RERG: variants seen among roughly 807,000 people sequenced by gnomAD.
RERG encodes the protein RAS like estrogen regulated growth inhibitor.
RERG carries 25 observed loss-of-function variants against 23.2 expected under a neutral mutation model. That is an observed-to-expected ratio of 1.08 (90% CI 0.79 to 1.50). RERG has a LOEUF of 1.50. Ranked by LOEUF, RERG falls within the 40% of genes most tolerant of loss-of-function variation. RERG has a pLI of 0.00. For missense variants in RERG, 253 were observed against 250.1 expected, an observed-to-expected ratio of 1.01 and a Z score of -0.08; for synonymous variants, 81 against 89.1, an observed-to-expected ratio of 0.91 and a Z score of 0.51.
intron 2 of RERG, among the ~76,000 whole-genome samples, chr12:15,204,083 T>C (rs1443841103): frequency 2.0e-5 from 3 of 151,746 alleles, no homozygotes; most frequent in Non-Finnish European, 3.0e-5. Flanking sequence ...CTAAAGTTTA[T>C]ATGGAACAAT....
chr12:15,151,515 T>C (rs535237740), intron 2 of RERG, among the ~76,000 whole-genome samples: 2 of 152,358 alleles, frequency 1.3e-5, no homozygotes, highest in African/African-American at 2.4e-5. Flanking sequence ...CACAATCCAG[T>C]GGCATTTGTT....
intron 2 of RERG, among the ~76,000 whole-genome samples, chr12:15,165,199 T>C (rs754905268): frequency 2.0e-5 from 3 of 152,182 alleles, no homozygotes; most frequent in African/African-American, 7.2e-5. Flanking sequence ...CAGCATGTCT[T>C]TGAGCGGCGA....
chr12:15,170,491 G>A (rs1350541653), intron 2 of RERG, among the ~76,000 whole-genome samples: 1 of 152,162 alleles, frequency 6.6e-6, no homozygotes, highest in East Asian at 1.9e-4. Context: ...TTCTGGAGTT[G>A]TGATCTTCAG....
intron 2 of RERG, among the ~76,000 whole-genome samples, chr12:15,211,932 GGTT>G (rs1865371121): frequency 6.6e-6 from 1 of 151,994 alleles, no homozygotes; most frequent in African/African-American, 2.4e-5. Flanking sequence ...TGAGATACAG[GGTT>G]GTTGTCAGTG....
At chr12:15,155,855 T>G (rs569851007) in intron 2 of RERG, among the ~76,000 whole-genome samples, 1 of 87,092 alleles carries the variant, frequency 1.1e-5, no homozygotes, top group African/African-American at 5.0e-5. Context: ...CTTTGAACTA[T>G]TTCTCATAAT....
intron 2 of RERG, among the ~76,000 whole-genome samples, chr12:15,122,460 C>T (rs1863850171): frequency 1.3e-5 from 2 of 152,124 alleles, no homozygotes; most frequent in African/African-American, 4.8e-5. Flanking sequence ...CACAACGTGG[C>T]TTCTTGACCA....
At chr12:15,169,956 G>A (rs1864754555) in intron 2 of RERG, among the ~76,000 whole-genome samples, 1 of 150,432 alleles carries the variant, frequency 6.6e-6, no homozygotes, top group African/African-American at 2.5e-5. Context: ...GTGTGTGTGT[G>A]TGTGTGTGTG....
chr12:15,161,166 G>GAAAGAAAGAAAGAAAGAAAGA lies in RERG; in HGVS notation c.62-40068_62-40048dup, dbSNP rs1565524105. The stretch of plus-strand genomic sequence containing the variant: ...AGAAAGAAAGAAAGAAAGAAAGAAA[G>GAAAGAAAGAAAGAAAGAAAGA]AAAGAAAGAAAGAAAGAAAGAAAGA... On this transcript the variant is annotated intron_variant, in intron 2 of 4. Coordinates refer to ENST00000256953, the MANE Select transcript of RERG (RefSeq NM_032918.3). 2.3e-5 allele frequency among the ~76,000 whole-genome samples: 3 copies of GAAAGAAAGAAAGAAAGAAAGA among 130,216 alleles called. No individual in the cohort carries two copies. In the East Asian group the frequency reaches 6.9e-4, roughly 30 times the overall value. 85.4% of individuals were successfully genotyped at this position (130,216 alleles called of 152,430 possible). A position where few individuals can be genotyped will look rare whatever the true frequency, so the allele number is the denominator to read the frequency against.
chr12:15,167,452 G>A lies in RERG; in HGVS notation c.62-46333C>T, dbSNP rs148440519. Among the ~76,000 whole-genome samples the A allele has an allele frequency of 1.8e-3, 273 of 152,268 alleles. 10 individuals carry two copies. Among genetic ancestry groups the A allele is most frequent in the African/African-American group, 6.4e-3 (266 of 41,554 alleles). On this transcript the variant is annotated intron_variant, in intron 2 of 4. Transcript: ENST00000256953. ...CCCAGATTGCTGGACCCCGGCCCCG[G>A]GGTTTCTGATTCAGTCGGTCTAGGG...
intron 2 of RERG, among the ~76,000 whole-genome samples, chr12:15,213,780 C>T (rs756100703): frequency 1.5e-4 from 23 of 152,248 alleles, no homozygotes; most frequent in Non-Finnish European, 3.1e-4. Flanking sequence ...TAAATATAGA[C>T]GGCCTATCTA....
chr12:15,200,895 A>AT (rs141355344), intron 2 of RERG, among the ~76,000 whole-genome samples: 101 of 151,936 alleles, frequency 6.6e-4, no homozygotes, highest in African/African-American at 2.4e-3. Flanking sequence ...CACGCTTCGC[A>AT]TTTTTTACAT....
chr12:15,175,503 G>C (rs1376664020), intron 2 of RERG, among the ~76,000 whole-genome samples: 1 of 151,748 alleles, frequency 6.6e-6, no homozygotes, highest in Non-Finnish European at 1.5e-5. Context: ...GGCCGTCTCA[G>C]GTCTTTACTG....
intron 2 of RERG, among the ~76,000 whole-genome samples, chr12:15,188,099 A>C (rs1865019256): frequency 6.6e-6 from 1 of 152,136 alleles, no homozygotes; most frequent in Non-Finnish European, 1.5e-5. Flanking sequence ...AGATATCCAG[A>C]GAGATGAATT....
chr12:15,214,892 C>T (rs1390266094), intron 2 of RERG, among the ~76,000 whole-genome samples: 1 of 152,168 alleles, frequency 6.6e-6, no homozygotes, highest in Non-Finnish European at 1.5e-5. Context: ...GTCGTTTTCA[C>T]TGAACTATGG....
intron 2 of RERG, among the ~76,000 whole-genome samples, chr12:15,210,471 C>A (rs1252556556): frequency 3.3e-5 from 5 of 152,132 alleles, no homozygotes; most frequent in African/African-American, 1.2e-4. Context: ...GTTTCCCCCC[C>A]AATCATATTT....
chr12:15,110,473 T>TC (rs1238052065), intron 4 of RERG, among the ~76,000 whole-genome samples: 10 of 122,180 alleles, frequency 8.2e-5, no homozygotes, highest in African/African-American at 3.1e-4. Flanking sequence ...CTTTTTTTTT[T>TC]TTTTTTTTTT....
intron 2 of RERG, among the ~76,000 whole-genome samples, chr12:15,125,400 G>A (rs899760840): frequency 8.5e-5 from 13 of 152,080 alleles, no homozygotes; most frequent in Non-Finnish European, 1.2e-4. Flanking sequence ...ATAAACTTAC[G>A]TAGTATCCTA....
intron 2 of RERG, among the ~76,000 whole-genome samples, chr12:15,214,237 C>T (rs956833092): frequency 3.3e-5 from 5 of 152,180 alleles, no homozygotes; most frequent in Non-Finnish European, 5.9e-5. Context: ...TGTAACAACT[C>T]ATTCAATCCT....
intron 2 of RERG, among the ~76,000 whole-genome samples, chr12:15,181,254 G>T (rs1864919474): frequency 6.6e-6 from 1 of 152,304 alleles, no homozygotes; most frequent in Admixed American, 6.5e-5. Flanking sequence ...CAGCCAGCAA[G>T]CTAGTCTTCT....
Sources: gnomAD v4.1 joint callset for allele counts (sites outside exome capture counted in the v4.1 genomes callset) on GRCh38, gnomAD v4.1.1 for gene constraint, MANE v1.5 for transcripts, NCBI Gene and HGNC (gene_info 2026-07-23, HGNC 2026-07-21) for gene names.